HERC4: variants seen among roughly 807,000 people sequenced by gnomAD.
HERC4 encodes HECT and RLD domain containing E3 ubiquitin protein ligase 4.
A neutral mutation model predicts 124.3 loss-of-function variants in HERC4; 28 were observed. That is an observed-to-expected ratio of 0.23 (90% CI 0.17 to 0.31). The LOEUF is 0.31. Ranked by LOEUF, HERC4 falls within the 10% of genes least tolerant of loss-of-function variation. HERC4 has a pLI of 1.00. For missense variants in HERC4, 713 were observed against 1,229.3 expected, an observed-to-expected ratio of 0.58 and a Z score of 6.28; for synonymous variants, 407 against 421.5, an observed-to-expected ratio of 0.97 and a Z score of 0.42.
At chr10:68,026,341 T>A (rs530378834) in intron 7 of HERC4, among the ~76,000 whole-genome samples, 1 of 152,164 alleles carries the variant, frequency 6.6e-6, no homozygotes, top group Admixed American at 6.5e-5. Flanking sequence ...AGCAATCCTC[T>A]TGCCTTGGCT....
At chr10:68,018,315 T>C (rs1482182362) in intron 8 of HERC4, among the ~76,000 whole-genome samples, 1 of 151,516 alleles carries the variant, frequency 6.6e-6, no homozygotes, top group Non-Finnish European at 1.5e-5. Context: ...AAAAACAACA[T>C]TAAAAACTTA....
chr10:67,932,525 A>T (rs900340936), intron 23 of HERC4, 72 bp downstream of exon 23: 1 of 1,325,336 alleles, frequency 7.5e-7, no homozygotes. Context: ...ATAAAAAATA[A>T]TACATAAAAA....
intron 11 of HERC4, 27 bp from the exon 12 acceptor site, chr10:67,991,226 A>G (rs1406420279): frequency 1.0e-5 from 13 of 1,284,486 alleles, no homozygotes; most frequent in Non-Finnish European, 1.3e-5. Flanking sequence ...AGTTTTTTTA[A>G]TCATAGAATC....
At chr10:67,979,006 C>T (rs1337332059) in intron 15 of HERC4, among the ~76,000 whole-genome samples, 4 of 152,050 alleles carry the variant, frequency 2.6e-5, no homozygotes, top group Non-Finnish European at 5.9e-5. Context: ...CCAAGAAGCA[C>T]GAAGACACAC....
chr10:67,923,988 C>T (rs1216463333), intron 24 of HERC4, among the ~76,000 whole-genome samples: 1 of 151,922 alleles, frequency 6.6e-6, no homozygotes, highest in Non-Finnish European at 1.5e-5. Flanking sequence ...AATGAGGGAA[C>T]TAAGGCCTGA....
At chr10:68,050,563 T>C (rs1470395697) in intron 3 of HERC4, among the ~76,000 whole-genome samples, 1 of 152,206 alleles carries the variant, frequency 6.6e-6, no homozygotes, top group Non-Finnish European at 1.5e-5. Flanking sequence ...GGATAATGAC[T>C]TCAGCAATAC....
At chr10:68,026,885 C>T (rs1365528232) in intron 7 of HERC4, among the ~76,000 whole-genome samples, 2 of 151,870 alleles carry the variant, frequency 1.3e-5, no homozygotes, top group Non-Finnish European at 2.9e-5. Flanking sequence ...GCCTGTAGTT[C>T]CATCTACTTT....
At chr10:68,021,594 T>C (rs12761264) in intron 8 of HERC4, among the ~76,000 whole-genome samples, 31,021 of 151,990 alleles carry the variant, frequency 0.2, 3,707 homozygotes, top group East Asian at 0.45. Flanking sequence ...AGATCACCAG[T>C]GGTCAGGAGT....
At chr10:68,071,432 A>G (rs2041568295) in intron 3 of HERC4, among the ~76,000 whole-genome samples, 1 of 152,242 alleles carries the variant, frequency 6.6e-6, no homozygotes, top group Non-Finnish European at 1.5e-5. Context: ...TACTTGCCCT[A>G]TGGCCTTTCA....
chr10:68,069,526 T>G, intron 3 of HERC4: 1 of 985,422 alleles, frequency 1.0e-6, no homozygotes, highest in African/African-American at 1.7e-5. Flanking sequence ...CAGAAACACC[T>G]CTTTTCAATA....
chr10:67,952,440 C>T (rs553501998), intron 19 of HERC4, among the ~76,000 whole-genome samples: 38 of 152,068 alleles, frequency 2.5e-4, no homozygotes, highest in East Asian at 2.2e-3. Context: ...TGTACCACCA[C>T]GCCCAGCTAA....
At chr10:67,947,539 G>T (rs184260992) in intron 19 of HERC4, among the ~76,000 whole-genome samples, 1 of 152,102 alleles carries the variant, frequency 6.6e-6, no homozygotes, top group Non-Finnish European at 1.5e-5. Context: ...TATCATTAAT[G>T]TATACAACAA....
intron 23 of HERC4, among the ~76,000 whole-genome samples, chr10:67,927,986 T>C (rs930311367): frequency 9.2e-5 from 14 of 151,994 alleles, no homozygotes; most frequent in Non-Finnish European, 2.1e-4. Context: ...GGAGAGAGGT[T>C]TGCAATTTTA....
rs182216343 is a variant in HERC4, at chr10:67,956,817, T to C, written c.2025+61A>G. ...TGATCCTAGGAAAATTTCAAATATT[T>C]ACTGTCCAGAAACATCAAAGAAACA... On this transcript the variant is annotated intron_variant, in intron 17 of 24. Transcript: ENST00000373700. 4.5e-5 allele frequency: 50 copies of C among 1,108,464 alleles called. No homozygotes were observed. In the East Asian group the frequency reaches 1.2e-3, roughly 26 times the overall value. The allele number at this position is 1,108,464 out of a possible 1,614,324, so 68.7% of individuals were successfully genotyped here.
At chr10:67,978,100 A>T (rs2035706701) in intron 15 of HERC4, among the ~76,000 whole-genome samples, 2 of 151,770 alleles carry the variant, frequency 1.3e-5, no homozygotes, top group Non-Finnish European at 2.9e-5. Flanking sequence ...ACATGGTGAA[A>T]CCCCATCTCT....
chr10:68,003,345 T>G (rs36089296), intron 9 of HERC4, among the ~76,000 whole-genome samples: 15,356 of 148,726 alleles, frequency 0.1, 889 homozygotes, highest in South Asian at 0.15. Flanking sequence ...TTTTTTTTTT[T>G]TGTATTTTTA....
In HERC4 at chr10:68,058,030, T is replaced by G. The variant is rs112941056; in HGVS notation, c.227-13467A>C. ...TATAATTATTAATCATTAAATAACC[T>G]TTTTAAAATCAATGATCAATCTAAC... On this transcript the variant is annotated intron_variant, in intron 3 of 24. Transcript: ENST00000373700. Among the ~76,000 whole-genome samples, 1,073 of 152,244 alleles carry G rather than the reference T, an allele frequency of 7.0e-3. 13 individuals carry two copies. Among genetic ancestry groups the G allele is most frequent in the African/African-American group, 0.024 (1,004 of 41,544 alleles).
At chr10:67,927,413 TATATATA>T (rs2031185334) in intron 23 of HERC4, among the ~76,000 whole-genome samples, 4 of 12,988 alleles carry the variant, frequency 3.1e-4, no homozygotes, top group South Asian at 1.3e-3. Context: ...TATATATATA[TATATATA>T]TATATATATA....
At chr10:67,979,510 A>G (rs570027458) in intron 15 of HERC4, among the ~76,000 whole-genome samples, 11 of 152,300 alleles carry the variant, frequency 7.2e-5, no homozygotes, top group Middle Eastern at 3.4e-3. Flanking sequence ...AAGAGGAGAT[A>G]GATGGGGCAG....
Sources: allele counts gnomAD v4.1 joint callset (sites outside exome capture counted in the v4.1 genomes callset), GRCh38; gene constraint gnomAD v4.1.1; transcripts MANE v1.5; gene names NCBI Gene and HGNC (gene_info 2026-07-23, HGNC 2026-07-21).